EIF4E: variants seen among roughly 807,000 people sequenced by gnomAD.
EIF4E encodes the protein eukaryotic translation initiation factor 4E, also known as eIF-4F 25 kDa subunit.
For missense variants in EIF4E, 113 were observed against 265.6 expected (o/e 0.43, Z 3.99); for synonymous variants, 71 against 88.5 (o/e 0.80, Z 1.11).
At chr4:98,888,646 T>C (rs1724020638) in intron 3 of EIF4E, among the ~76,000 whole-genome samples, 1 of 152,222 alleles carries the variant, frequency 6.6e-6, no homozygotes, top group Non-Finnish European at 1.5e-5. Context: ...GATGACTTAG[T>C]TGCTTGCCTG....
At position 98,902,123 on chromosome 4, in the gene EIF4E, C is replaced by T. The variant is rs1724679775; in HGVS notation, c.19-141G>A. The T allele has an allele frequency of 1.8e-5, 12 of 683,028 alleles. No individual in the cohort carries two copies. In the Admixed American group the frequency reaches 2.7e-4, roughly 16 times the overall value. The allele number at this position is 683,028 out of a possible 1,614,324, so 42.3% of individuals were successfully genotyped here. On this transcript the variant is annotated intron_variant, in intron 1 of 6. Coordinates refer to ENST00000450253, the MANE Select transcript of EIF4E (RefSeq NM_001968.5). The stretch of plus-strand genomic sequence containing the variant: ...TCTCTCTGTTGCCCAGGCTGGAGTG[C>T]AGTCGTGCGATCTTGGCTCACTGCA...
At position 98,896,508 on chromosome 4, in the gene EIF4E, A is replaced by AAAAAC. The variant is rs1724407441; in HGVS notation, c.126-5177_126-5176insGTTTT. On this transcript the variant is annotated intron_variant, in intron 2 of 6. Transcript: ENST00000450253. ...TCTCAAAAAAAAAAAAAAAAAAAAA[A>AAAAAC]AACACCTTAGCTAGCCATGGTGGTG... Among the ~76,000 whole-genome samples, 2 of 149,132 alleles carry AAAAAC rather than the reference A, an allele frequency of 1.3e-5. 1 individual carries two copies. The highest frequency in any genetic ancestry group is 5.0e-5 in the African/African-American group (2 of 40,400).
chr4:98,900,122 AC>A (rs1724583895), intron 2 of EIF4E, among the ~76,000 whole-genome samples: 1 of 152,066 alleles, frequency 6.6e-6, no homozygotes, highest in Non-Finnish European at 1.5e-5. Flanking sequence ...AGGTTCACAG[AC>A]AGCTAGAAGA....
chr4:98,898,123 GA>G lies in EIF4E; in HGVS notation c.125+3752del, dbSNP rs200100105. Among the ~76,000 whole-genome samples, 1,019 of 151,974 alleles carry G rather than the reference GA, an allele frequency of 6.7e-3. 12 individuals carry two copies. The highest frequency in any genetic ancestry group is 0.022 in the African/African-American group (917 of 41,414). The stretch of plus-strand genomic sequence containing the variant: ...CATGTGTCCTACGAAAAAGGGGGGG[GA>G]AAAAAGAAACCTAGTAGTGTATCAA... On this transcript the variant is annotated intron_variant, in intron 2 of 6. Transcript: ENST00000450253.
intron 3 of EIF4E, among the ~76,000 whole-genome samples, chr4:98,888,878 G>A (rs1321687427): frequency 6.6e-6 from 1 of 152,016 alleles, no homozygotes; most frequent in Non-Finnish European, 1.5e-5. Context: ...AAAGATTTAA[G>A]GGCCGGGTGC....
chr4:98,891,385 A>G, intron 2 of EIF4E, 53 bp from the exon 3 acceptor site: 2 of 1,519,540 alleles, frequency 1.3e-6, no homozygotes, highest in Non-Finnish European at 1.8e-6. Context: ...CCATGTTAAA[A>G]GCAACATTAT....
At chr4:98,909,297 T>C (rs971584432) in intron 1 of EIF4E, among the ~76,000 whole-genome samples, 3 of 152,240 alleles carry the variant, frequency 2.0e-5, no homozygotes, top group Admixed American at 6.5e-5. Context: ...ATAACTTTAA[T>C]GAGAACATTA....
At chr4:98,899,037 T>C (rs781693419) in intron 2 of EIF4E, among the ~76,000 whole-genome samples, 2 of 150,570 alleles carry the variant, frequency 1.3e-5, no homozygotes, top group Non-Finnish European at 3.0e-5. Flanking sequence ...TTTGCCTACA[T>C]GAAAATTAAA....
At chr4:98,905,214 G>A (rs539744259) in intron 1 of EIF4E, among the ~76,000 whole-genome samples, 1 of 146,334 alleles carries the variant, frequency 6.8e-6, no homozygotes, top group Admixed American at 6.9e-5. Flanking sequence ...ACCGATCTCA[G>A]GTTCTATCAG....
At chr4:98,901,730 G>A in intron 2 of EIF4E, 146 bp downstream of exon 2, 1 of 768,084 alleles carries the variant, frequency 1.3e-6, no homozygotes, top group South Asian at 1.4e-5. Flanking sequence ...ACTGTCTGCT[G>A]GTCATGGGTC....
intron 5 of EIF4E, chr4:98,886,846 G>A (rs992721350): frequency 1.8e-5 from 9 of 491,228 alleles, no homozygotes; most frequent in Non-Finnish European, 2.2e-5. Flanking sequence ...TGAGCTTACT[G>A]TGGTGAGAGT....
chr4:98,928,272 G>A (rs974867458), intron 1 of EIF4E, among the ~76,000 whole-genome samples: 2 of 151,910 alleles, frequency 1.3e-5, no homozygotes, highest in Non-Finnish European at 2.9e-5. Context: ...TGTAGGCCTC[G>A]CTCCTCCCCC....
At chr4:98,899,535 C>CT (rs1365852020) in intron 2 of EIF4E, among the ~76,000 whole-genome samples, 1 of 152,120 alleles carries the variant, frequency 6.6e-6, no homozygotes. Context: ...AAAGGGTAAT[C>CT]TTTGTTCTAG....
intron 2 of EIF4E, among the ~76,000 whole-genome samples, chr4:98,901,675 T>C (rs1724654815): frequency 6.6e-6 from 1 of 152,238 alleles, no homozygotes; most frequent in Admixed American, 6.5e-5. Context: ...CTTTTCAAAC[T>C]AATCTCTCAC....
At chr4:98,907,991 C>T (rs1724951118) in intron 1 of EIF4E, among the ~76,000 whole-genome samples, 2 of 152,106 alleles carry the variant, frequency 1.3e-5, no homozygotes, top group African/African-American at 4.8e-5. Flanking sequence ...AAGTTCCAGT[C>T]CTTTAAATTT....
intron 1 of EIF4E, among the ~76,000 whole-genome samples, chr4:98,908,333 C>T (rs975784959): frequency 1.3e-5 from 2 of 152,148 alleles, no homozygotes; most frequent in African/African-American, 4.8e-5. Flanking sequence ...AAAATATAAA[C>T]GTGTTCGGTC....
intron 2 of EIF4E, among the ~76,000 whole-genome samples, chr4:98,892,471 G>A (rs1159533414): frequency 2.6e-5 from 4 of 151,926 alleles, no homozygotes; most frequent in Non-Finnish European, 4.4e-5. Flanking sequence ...GTGAGGTCAG[G>A]AGTTCGAGAC....
intron 6 of EIF4E, 22 bp downstream of exon 6, chr4:98,884,900 G>T: frequency 6.2e-7 from 1 of 1,611,342 alleles, no homozygotes; most frequent in Non-Finnish European, 8.5e-7. Context: ...TGTAAAATAA[G>T]TAGGCAAAGA....
intron 6 of EIF4E, among the ~76,000 whole-genome samples, chr4:98,882,647 T>G (rs1039820492): frequency 2.0e-5 from 3 of 151,984 alleles, no homozygotes; most frequent in Non-Finnish European, 4.4e-5. Context: ...ATGCAATGCA[T>G]TCCTTTCAAT....
Sources: gnomAD v4.1 joint callset for allele counts (sites outside exome capture counted in the v4.1 genomes callset) on GRCh38, gnomAD v4.1.1 for gene constraint, MANE v1.5 for transcripts, NCBI Gene and HGNC (gene_info 2026-07-23, HGNC 2026-07-21) for gene names.